NALF1: variants seen among roughly 807,000 people sequenced by gnomAD.
NALF1 encodes NALCN channel auxiliary factor 1, also known as family with sequence similarity 155 member A.
NALF1 carries 3 observed loss-of-function variants against 48.4 expected under a neutral mutation model. That is an observed-to-expected ratio of 0.06 (90% CI 0.03 to 0.16). NALF1 has a LOEUF of 0.16. Ranked by LOEUF, NALF1 falls within the 10% of genes least tolerant of loss-of-function variation. The probability of loss-of-function intolerance (pLI) is 1.00; values close to 1 mark genes in which losing one functional copy is unlikely to be tolerated. For missense variants in NALF1, 526 were observed against 571.5 expected (o/e 0.92, Z 0.81); for synonymous variants, 262 against 245.7 (o/e 1.07, Z -0.62).
At chr13:107,439,648 T>A (rs756867522) in intron 1 of NALF1, among the ~76,000 whole-genome samples, 40 of 152,216 alleles carry the variant, frequency 2.6e-4, no homozygotes, top group Non-Finnish European at 4.3e-4. Flanking sequence ...ATTAGATAGA[T>A]CTCATTGATC....
intron 1 of NALF1, among the ~76,000 whole-genome samples, chr13:107,281,978 T>C (rs1881396773): frequency 6.6e-6 from 1 of 152,194 alleles, no homozygotes; most frequent in African/African-American, 2.4e-5. Flanking sequence ...ATGGAGATTA[T>C]AATTCAAGAT....
At chr13:107,615,991 C>A (rs188517340) in intron 1 of NALF1, among the ~76,000 whole-genome samples, 5 of 152,238 alleles carry the variant, frequency 3.3e-5, no homozygotes, top group Non-Finnish European at 5.9e-5. Flanking sequence ...GTCCTCCACA[C>A]AGGACTGGTT....
chr13:107,478,356 CA>C (rs1233730830), intron 1 of NALF1, among the ~76,000 whole-genome samples: 2 of 151,876 alleles, frequency 1.3e-5, no homozygotes, highest in Non-Finnish European at 2.9e-5. Context: ...TCAGAGAATT[CA>C]ACAAAATCTA....
At chr13:107,383,973 G>A (rs371023087) in intron 1 of NALF1, among the ~76,000 whole-genome samples, 57 of 152,296 alleles carry the variant, frequency 3.7e-4, no homozygotes, top group African/African-American at 1.3e-3. Context: ...ATTAAGCCAG[G>A]TTTGGTGGTT....
chr13:107,323,102 T>C (rs1466899963), intron 1 of NALF1, among the ~76,000 whole-genome samples: 6 of 152,098 alleles, frequency 3.9e-5, no homozygotes, highest in Admixed American at 2.0e-4. Flanking sequence ...CATTGGAGTA[T>C]TGACAAGCAA....
At chr13:107,769,144 G>A (rs1286343441) in intron 1 of NALF1, among the ~76,000 whole-genome samples, 1 of 148,170 alleles carries the variant, frequency 6.7e-6, no homozygotes, top group African/African-American at 2.5e-5. Context: ...ATTCCTCAGG[G>A]ATCTAGAACT....
At chr13:107,209,541 G>A (rs765975956) in intron 2 of NALF1, among the ~76,000 whole-genome samples, 6 of 151,946 alleles carry the variant, frequency 3.9e-5, no homozygotes, top group East Asian at 1.9e-4. Flanking sequence ...TTCTTAGGGC[G>A]AGCTTTGGCA....
intron 1 of NALF1, among the ~76,000 whole-genome samples, chr13:107,269,857 C>T (rs1017463271): frequency 2.0e-5 from 3 of 150,528 alleles, no homozygotes; most frequent in Non-Finnish European, 4.4e-5. Flanking sequence ...ACGCCATTCT[C>T]CTGCCTCAGC....
chr13:107,505,564 A>G (rs1030146244), intron 1 of NALF1, among the ~76,000 whole-genome samples: 2 of 152,136 alleles, frequency 1.3e-5, no homozygotes, highest in Non-Finnish European at 2.9e-5. Flanking sequence ...AAAGAAAGAG[A>G]AAGTCATGGA....
At chr13:107,836,083 C>G (rs538600964) in intron 1 of NALF1, among the ~76,000 whole-genome samples, 1 of 152,298 alleles carries the variant, frequency 6.6e-6, no homozygotes, top group East Asian at 1.9e-4. Flanking sequence ...CCTCTGCCTC[C>G]TGACTCAAGC....
rs1228731428 is a variant in NALF1 at position 107,866,911 on chromosome 13, AG to A, written c.-316del. Among the ~76,000 whole-genome samples the A allele has an allele frequency of 1.3e-5, 2 of 151,988 alleles. No homozygotes were observed. The highest frequency in any genetic ancestry group is 2.1e-4 in the South Asian group (1 of 4,814). On this transcript the variant is annotated 5_prime_UTR_variant, in exon 1 of 3. Transcript: ENST00000375915. The surrounding 1 kb of genome is among the most constrained non-coding windows in gnomAD (Gnocchi z 4.4). ...GGGAAACAATAATGGAGAGAGAGAG[AG>A]AGAGAGAGACGGAGGAGGCTGGTGC...
At chr13:107,736,158 C>A (rs1234052404) in intron 1 of NALF1, among the ~76,000 whole-genome samples, 1 of 148,852 alleles carries the variant, frequency 6.7e-6, no homozygotes, top group Non-Finnish European at 1.5e-5. Context: ...CTGACAATTG[C>A]ACCAAGATGC....
chr13:107,695,187 A>G (rs1881671574), intron 1 of NALF1, among the ~76,000 whole-genome samples: 1 of 152,158 alleles, frequency 6.6e-6, no homozygotes, highest in African/African-American at 2.4e-5. Flanking sequence ...CAGATATGAT[A>G]TAGAACCTAT....
intron 1 of NALF1, among the ~76,000 whole-genome samples, chr13:107,261,810 C>CTTT (rs1247316575): frequency 6.6e-6 from 1 of 152,094 alleles, no homozygotes; most frequent in Admixed American, 6.6e-5. Flanking sequence ...GCAAATAAAT[C>CTTT]ACTAATTTCA....
At chr13:107,468,964 TGTC>T (rs1885052258) in intron 1 of NALF1, among the ~76,000 whole-genome samples, 1 of 152,190 alleles carries the variant, frequency 6.6e-6, no homozygotes, top group Non-Finnish European at 1.5e-5. Flanking sequence ...ATAGTTGGTA[TGTC>T]TTGCTGAATT....
At chr13:107,451,244 G>A (rs1020691699) in intron 1 of NALF1, among the ~76,000 whole-genome samples, 3 of 152,270 alleles carry the variant, frequency 2.0e-5, no homozygotes, top group East Asian at 1.9e-4. Context: ...AGAAAGACCC[G>A]CCAGTAAGAT....
At chr13:107,745,787 T>A (rs1157277108) in intron 1 of NALF1, among the ~76,000 whole-genome samples, 1 of 152,186 alleles carries the variant, frequency 6.6e-6, no homozygotes, top group Non-Finnish European at 1.5e-5. Context: ...GACCTCATCA[T>A]GCTGTTCTCA....
intron 1 of NALF1, among the ~76,000 whole-genome samples, chr13:107,402,057 C>T (rs1225041370): frequency 1.3e-5 from 2 of 151,970 alleles, no homozygotes; most frequent in East Asian, 1.9e-4. Flanking sequence ...TTCTCCTGAT[C>T]ATGGGCTAGC....
chr13:107,391,942 A>T (rs141755045), intron 1 of NALF1, among the ~76,000 whole-genome samples: 74 of 152,284 alleles, frequency 4.9e-4, no homozygotes, highest in African/African-American at 1.8e-3. Flanking sequence ...TATTTGGCTC[A>T]GAATAAATCT....
Sources: allele counts gnomAD v4.1 joint callset (sites outside exome capture counted in the v4.1 genomes callset), GRCh38; gene constraint gnomAD v4.1.1; non-coding constraint Gnocchi (gnomAD v3.1); transcripts MANE v1.5; gene names NCBI Gene and HGNC (gene_info 2026-07-23, HGNC 2026-07-21).